MFN1: variants seen among roughly 807,000 people sequenced by gnomAD.
MFN1 encodes the protein mitofusin 1, also known as mitofusin-1.
MFN1 carries 65 observed loss-of-function variants against 92.4 expected under a neutral mutation model. The ratio of observed to expected loss-of-function variants is 0.70; its 90% CI spans 0.58 to 0.86. The LOEUF is 0.86. Among genes scored for constraint, MFN1 ranks in the 40% least tolerant of loss-of-function variants. The pLI is 0.00. For missense variants in MFN1, 781 were observed against 868.0 expected (o/e 0.90, Z 1.26); for synonymous variants, 297 against 300.9 (o/e 0.99, Z 0.13).
rs1214312466 is a variant in MFN1 at position 179,368,080 on chromosome 3, C to G, written c.952C>G (p.Gln318Glu). The G allele has an allele frequency of 6.4e-7, 1 of 1,573,302 alleles. No homozygotes were observed. The part of the protein sequence containing the change: ...EGFHARLQEF[Q>E]NFEQIFEECI... ...ATTTCATGCAAGATTACAGGAATTT[C>G]AGAATTTTGAACAAATCTTTGAGGT... Residue 318 changes from glutamine to glutamate, a missense_variant, in exon 9 of 18, where the codon CAG (glutamine) becomes GAG (glutamate). Physicochemically the swap from Gln to Glu is conservative, Grantham distance 29. Transcript: ENST00000471841.
chr3:179,387,007 T>C (rs1418030391), intron 16 of MFN1, among the ~76,000 whole-genome samples: 2 of 152,110 alleles, frequency 1.3e-5, no homozygotes, highest in Non-Finnish European at 2.9e-5. Flanking sequence ...GCCTCGAATC[T>C]TGGGCTCAAG....
In MFN1 at chr3:179,347,774, G is replaced by C. The variant is rs1345761545; in HGVS notation, c.-44G>C. The C allele has an allele frequency of 6.6e-6, 1 of 152,382 alleles. No individual in the cohort carries two copies. The highest frequency in any genetic ancestry group is 1.9e-4 in the East Asian group (1 of 5,198). 9.4% of individuals were successfully genotyped at this position (152,382 alleles called of 1,614,324 possible). A position where few individuals can be genotyped will look rare whatever the true frequency, so the allele number is the denominator to read the frequency against. On this transcript the variant is annotated 5_prime_UTR_variant, in exon 1 of 18. Coordinates refer to ENST00000471841, the MANE Select transcript of MFN1 (RefSeq NM_033540.3). ...ATGAGGCAGTTTGGCATCTGTGGCC[G>C]AGTTGCTGTTGCCGGGTGATAGTTG...
At chr3:179,361,404 C>T (rs1264778931) in intron 4 of MFN1, among the ~76,000 whole-genome samples, 2 of 152,162 alleles carry the variant, frequency 1.3e-5, no homozygotes, top group East Asian at 1.9e-4. Flanking sequence ...CAACTGAGCC[C>T]GTCACCCAAA....
intron 9 of MFN1, among the ~76,000 whole-genome samples, chr3:179,369,158 G>A (rs1178181543): frequency 1.3e-5 from 2 of 152,090 alleles, no homozygotes; most frequent in African/African-American, 4.8e-5. Context: ...AAAGACTATT[G>A]TTTGTTTTTT....
intron 4 of MFN1, among the ~76,000 whole-genome samples, 183 bp downstream of exon 4, chr3:179,359,185 A>G (rs2108529029): frequency 6.6e-6 from 1 of 152,154 alleles, no homozygotes; most frequent in African/African-American, 2.4e-5. Flanking sequence ...CAATGGCACA[A>G]TCTCGGCTCA....
chr3:179,363,742 G>A (rs909928239), intron 5 of MFN1, among the ~76,000 whole-genome samples: 1 of 151,912 alleles, frequency 6.6e-6, no homozygotes, highest in African/African-American at 2.4e-5. Context: ...TCCCGCCTTG[G>A]CATCCCAAAA....
At chr3:179,376,089 G>C (rs1713230348) in intron 10 of MFN1, among the ~76,000 whole-genome samples, 1 of 152,188 alleles carries the variant, frequency 6.6e-6, no homozygotes, top group Non-Finnish European at 1.5e-5. Context: ...ACATAACATT[G>C]GAATTTTAAA....
Position 179,375,273 on chromosome 3 carries a change from A to G in MFN1, c.1029A>G (p.Arg343=). ...CAAAGTTCGAACAGCACACTATCAG[A>G]GCTAAACAGATACTAGCTACTGTGA... ...VKTKFEQHTI[R]AKQILATVKN... is the part of the protein sequence containing the mutation. The change falls in exon 10 of 18, where the codon AGA becomes AGG. Residue 343 remains arginine, a synonymous_variant. Transcript: ENST00000471841. 1.2e-6 allele frequency: 2 copies of G among 1,614,068 alleles called. No homozygotes were observed. The highest frequency in any genetic ancestry group is 8.5e-7 in the Non-Finnish European group (1 of 1,179,968).
intron 2 of MFN1, among the ~76,000 whole-genome samples, chr3:179,349,946 G>T (rs1329379855): frequency 6.6e-6 from 1 of 152,070 alleles, no homozygotes; most frequent in Non-Finnish European, 1.5e-5. Context: ...GAGGTTAGGA[G>T]TTCAAGACCA....
chr3:179,372,036 A>G (rs9883260), intron 9 of MFN1, among the ~76,000 whole-genome samples: 18,787 of 147,030 alleles, frequency 0.13, 3,960 homozygotes, highest in African/African-American at 0.44. Context: ...GACATGTATT[A>G]TATATATTAT....
chr3:179,359,759 T>G (rs1264392654), intron 4 of MFN1: 1 of 151,546 alleles, frequency 6.6e-6, no homozygotes, highest in African/African-American at 2.4e-5. Context: ...TGTTAATATT[T>G]CTAACTTTGA....
chr3:179,381,649 G>C (rs780883746), intron 14 of MFN1, among the ~76,000 whole-genome samples: 2 of 152,232 alleles, frequency 1.3e-5, no homozygotes, highest in Non-Finnish European at 2.9e-5. Context: ...CAACCATAGA[G>C]TGTTCACATG....
intron 13 of MFN1, 49 bp downstream of exon 13, chr3:179,378,492 G>C: frequency 6.6e-7 from 1 of 1,523,714 alleles, no homozygotes; most frequent in Non-Finnish European, 8.9e-7. Flanking sequence ...TTTCATTCAT[G>C]ACTGGTGAAG....
rs754311916 is a variant in MFN1 at position 179,367,587 on chromosome 3, A to G, written c.902A>G (p.Glu301Gly). 1.7e-5 allele frequency: 27 copies of G among 1,608,560 alleles called. No homozygotes were observed. Among genetic ancestry groups the G allele is most frequent in the Non-Finnish European group, 2.3e-5 (27 of 1,178,368 alleles). The part of the protein sequence containing the change: ...ARKQKAQGMP[E>G]SGVALAEGFH... ...AAGCAAAAAGCACAGGGGATGCCAGAAAGTGGTATGCATTACCTATAGATT... is the reference window on the plus strand; with the variant it reads ...AAGCAAAAAGCACAGGGGATGCCAGGAAGTGGTATGCATTACCTATAGATT... Residue 301 changes from glutamate (E) to glycine (G), a missense_variant, in exon 8 of 18, where the codon GAA (glutamate) becomes GGA (glycine). Transcript: ENST00000471841.
intron 14 of MFN1, among the ~76,000 whole-genome samples, chr3:179,382,881 T>C (rs572674931): frequency 7.2e-5 from 11 of 152,346 alleles, no homozygotes; most frequent in African/African-American, 2.6e-4. Flanking sequence ...TTTTGAGAAG[T>C]GTCTGTTCAT....
intron 9 of MFN1, among the ~76,000 whole-genome samples, chr3:179,374,232 G>A (rs1049183273): frequency 4.0e-5 from 6 of 150,250 alleles, no homozygotes; most frequent in Admixed American, 2.0e-4. Context: ...GAACCTAGGC[G>A]GTGGAGGTTG....
At position 179,354,214 on chromosome 3, in the gene MFN1, A is replaced by G. The variant is rs558518700; in HGVS notation, c.248+2179A>G. Among the ~76,000 whole-genome samples, 449 of 152,312 alleles carry G rather than the reference A, an allele frequency of 2.9e-3. 5 individuals carry two copies. Among genetic ancestry groups the G allele is most frequent in the African/African-American group, 0.011 (441 of 41,576 alleles). On this transcript the variant is annotated intron_variant, in intron 3 of 17. Coordinates refer to ENST00000471841, the MANE Select transcript of MFN1 (RefSeq NM_033540.3). ...GAAATAGGTATAGCTTTGGATGTGA[A>G]AAAGGTCCAAAAGCTCATTTCTTGC...
rs1393622703 is a variant in MFN1 at position 179,385,648 on chromosome 3, T to C, written c.1742T>C (p.Met581Thr). 8 of 1,613,998 alleles carry C rather than the reference T, an allele frequency of 5.0e-6. No individual in the cohort carries two copies. The highest frequency in any genetic ancestry group is 5.9e-6 in the Non-Finnish European group (7 of 1,179,960). ...GATAATGCATCACAGGAAGAACTCATGATTACATTAGTAACAGGATTGGCG... is the reference window on the plus strand; with the variant it reads ...GATAATGCATCACAGGAAGAACTCACGATTACATTAGTAACAGGATTGGCG... Reference protein sequence around the residue: ...TPDNASQEELMITLVTGLASV... With the variant: ...TPDNASQEELTITLVTGLASV... The change falls in exon 15 of 18, where the codon ATG (methionine) becomes ACG (threonine). Residue 581 changes from methionine (M) to threonine (T), a missense_variant. Coordinates refer to ENST00000471841, the MANE Select transcript of MFN1 (RefSeq NM_033540.3).
chr3:179,362,656 C>G (rs1712628571), intron 5 of MFN1, among the ~76,000 whole-genome samples, 174 bp downstream of exon 5: 2 of 152,078 alleles, frequency 1.3e-5, no homozygotes, highest in Non-Finnish European at 1.5e-5. Flanking sequence ...ATAAAAGCAC[C>G]AATTCATCAC....
Sources: gnomAD v4.1 joint callset for allele counts (sites outside exome capture counted in the v4.1 genomes callset) on GRCh38, gnomAD v4.1.1 for gene constraint, MANE v1.5 for transcripts, NCBI Gene and HGNC (gene_info 2026-07-23, HGNC 2026-07-21) for gene names.